CAMTA1: variants seen among roughly 807,000 people sequenced by gnomAD.
CAMTA1 encodes the protein calmodulin binding transcription activator 1.
Under a neutral mutation model 170.9 loss-of-function variants are expected in CAMTA1, and 27 were observed. That is an observed-to-expected ratio of 0.16 (90% confidence interval 0.12 to 0.22). The LOEUF (loss-of-function observed/expected upper bound fraction) is 0.22, where lower values mean the gene tolerates loss of function less well. CAMTA1 is among the 10% of genes least tolerant of loss of function. The pLI is 1.00. For missense variants in CAMTA1, 1,619 were observed against 2,217.2 expected (o/e 0.73, Z 5.42); for synonymous variants, 833 against 891.5 (o/e 0.93, Z 1.17).
At chr1:7,613,096 A>G (rs1188021834) in intron 6 of CAMTA1, among the ~76,000 whole-genome samples, 6 of 152,162 alleles carry the variant, frequency 3.9e-5, no homozygotes, top group Non-Finnish European at 8.8e-5. Flanking sequence ...GCAGGTGCCC[A>G]CCAAACCCAT....
chr1:7,471,815 AGGTTCAG>A (rs1366303830), intron 6 of CAMTA1, among the ~76,000 whole-genome samples: 2 of 152,174 alleles, frequency 1.3e-5, no homozygotes, highest in African/African-American at 4.8e-5. Context: ...TAGGCAGCAG[AGGTTCAG>A]GGCCCCCTGA....
Position 6,830,285 on chromosome 1 carries a change from C to T in CAMTA1, c.234+5075C>T, listed in dbSNP as rs554560431. Among the ~76,000 whole-genome samples, 81 of 151,246 alleles carry T rather than the reference C, an allele frequency of 5.4e-4. 1 individual carries two copies. The highest frequency in any genetic ancestry group is 3.5e-3 in the Middle Eastern group (1 of 286). Reference sequence around the variant, plus strand: ...TCTCCTGATCTCCTGACCTCGTGATCCGCCCGCCTTGGTGTCCCAAGGTGC... The same window carrying T: ...TCTCCTGATCTCCTGACCTCGTGATTCGCCCGCCTTGGTGTCCCAAGGTGC... On this transcript the variant is annotated intron_variant, in intron 3 of 22. Coordinates refer to ENST00000303635, the MANE Select transcript of CAMTA1 (RefSeq NM_015215.4).
chr1:7,430,829 G>A (rs940284369), intron 5 of CAMTA1, among the ~76,000 whole-genome samples: 1 of 152,126 alleles, frequency 6.6e-6, no homozygotes. Context: ...TCCAAGGCTC[G>A]CCATCTGTTT....
At chr1:7,765,917 C>T (rs1208120642) in intron 22 of CAMTA1, among the ~76,000 whole-genome samples, 3 of 151,382 alleles carry the variant, frequency 2.0e-5, no homozygotes, top group African/African-American at 2.4e-5. Context: ...GTCCCAGCTA[C>T]TCGGGAGGCT....
intron 6 of CAMTA1, among the ~76,000 whole-genome samples, chr1:7,529,340 G>A (rs558609536): frequency 2.6e-5 from 4 of 152,074 alleles, no homozygotes; most frequent in African/African-American, 9.7e-5. Flanking sequence ...TCTTGTGTGA[G>A]CTGGGGCTCT....
At chr1:7,108,859 GT>G (rs1643860456) in intron 4 of CAMTA1, among the ~76,000 whole-genome samples, 1 of 152,172 alleles carries the variant, frequency 6.6e-6, no homozygotes, top group Non-Finnish European at 1.5e-5. Flanking sequence ...ACTTAGCCAG[GT>G]CTCAAGGTTT....
At chr1:7,040,434 T>C (rs7535234) in intron 3 of CAMTA1, among the ~76,000 whole-genome samples, 21,464 of 152,120 alleles carry the variant, frequency 0.14, 2,057 homozygotes, top group African/African-American at 0.27. Context: ...ATGTAAATAA[T>C]CCACATTTTA....
chr1:7,336,218 G>A (rs1052602659), intron 5 of CAMTA1, among the ~76,000 whole-genome samples: 6 of 152,236 alleles, frequency 3.9e-5, no homozygotes, highest in Non-Finnish European at 8.8e-5. Context: ...ATGAAGCCCT[G>A]AGATGCCAGG....
chr1:7,029,240 G>T (rs145596160), intron 3 of CAMTA1, among the ~76,000 whole-genome samples: 6,786 of 152,012 alleles, frequency 0.045, 178 homozygotes, highest in Middle Eastern at 0.15. Flanking sequence ...GCTGGCTCAC[G>T]CCTGTAATCC....
intron 11 of CAMTA1, chr1:7,694,572 C>A (rs893730929): frequency 2.6e-5 from 4 of 152,928 alleles, no homozygotes; most frequent in African/African-American, 9.6e-5. Flanking sequence ...CTGTCTCTGT[C>A]CTGCAGACGG....
chr1:7,649,835 C>G lies in CAMTA1; in HGVS notation c.664+9282C>G, dbSNP rs116603206. Among the ~76,000 whole-genome samples, 806 of 152,304 alleles carry G rather than the reference C, an allele frequency of 5.3e-3. 13 individuals carry two copies. The highest frequency in any genetic ancestry group is 0.019 in the African/African-American group (773 of 41,558). ...CAGGACCCCACCGACGTCCTGGGCC[C>G]TGACTGCTATGCAGAGCTGATGCTG... On this transcript the variant is annotated intron_variant, in intron 7 of 22. Coordinates refer to ENST00000303635, the MANE Select transcript of CAMTA1 (RefSeq NM_015215.4).
At chr1:7,051,525 G>T (rs1042489507) in intron 3 of CAMTA1, among the ~76,000 whole-genome samples, 1 of 152,210 alleles carries the variant, frequency 6.6e-6, no homozygotes, top group African/African-American at 2.4e-5. Flanking sequence ...CTGTGAGTGG[G>T]GTCTTCCAGT....
intron 6 of CAMTA1, among the ~76,000 whole-genome samples, chr1:7,639,773 GAA>G (rs34262081): frequency 9.1e-5 from 13 of 142,406 alleles, no homozygotes; most frequent in African/African-American, 2.8e-4. Flanking sequence ...TCTGTCTAAA[GAA>G]AAAAAAAAAA....
intron 3 of CAMTA1, among the ~76,000 whole-genome samples, chr1:6,914,580 C>T (rs193179360): frequency 1.5e-3 from 232 of 152,340 alleles, no homozygotes; most frequent in Non-Finnish European, 2.9e-3. Flanking sequence ...TTTTTGTGGC[C>T]TCCGACTAGT....
At chr1:7,098,100 TGTG>T (rs1037134781) in intron 4 of CAMTA1, among the ~76,000 whole-genome samples, 1 of 13,400 alleles carries the variant, frequency 7.5e-5, no homozygotes, top group Admixed American at 6.4e-4. Flanking sequence ...GTGGACGAAT[TGTG>T]TGTGTGTGTG....
At chr1:7,687,416 G>T (rs2096268377) in intron 11 of CAMTA1, among the ~76,000 whole-genome samples, 1 of 152,106 alleles carries the variant, frequency 6.6e-6, no homozygotes. Flanking sequence ...TGAGGCAAGA[G>T]GGAGCTCCAC....
At chr1:7,594,907 G>C (rs1442570503) in intron 6 of CAMTA1, among the ~76,000 whole-genome samples, 2 of 152,218 alleles carry the variant, frequency 1.3e-5, no homozygotes, top group Non-Finnish European at 2.9e-5. Flanking sequence ...AGATCCAGCA[G>C]GCAGTGAGCA....
In CAMTA1 at chr1:7,609,237, T is replaced by A. The variant is rs946867683; in HGVS notation, c.511-31163T>A. On this transcript the variant is annotated intron_variant, in intron 6 of 22. Coordinates refer to ENST00000303635, the MANE Select transcript of CAMTA1 (RefSeq NM_015215.4). This position sits in a 1 kb window ranked among gnomAD's most constrained non-coding sequence, Gnocchi z 4.4. ...GCTCATCCTTGAGCCTGGGTTGGAT[T>A]TTTTTTTAATGTTTAAAAATTCCCC... 6.6e-6 allele frequency among the ~76,000 whole-genome samples: 1 copy of A among 151,996 alleles called. No homozygotes were observed. The highest frequency in any genetic ancestry group is 6.6e-5 in the Admixed American group (1 of 15,244).
At chr1:7,343,890 G>A (rs761629637) in intron 5 of CAMTA1, among the ~76,000 whole-genome samples, 28 of 152,098 alleles carry the variant, frequency 1.8e-4, no homozygotes, top group Admixed American at 3.9e-4. Flanking sequence ...ATCAATTTTC[G>A]CAGCTGTGTA....
Sources: gnomAD v4.1 joint callset for allele counts (sites outside exome capture counted in the v4.1 genomes callset) on GRCh38, gnomAD v4.1.1 for gene constraint, Gnocchi (gnomAD v3.1) non-coding constraint, MANE v1.5 for transcripts, NCBI Gene and HGNC (gene_info 2026-07-23, HGNC 2026-07-21) for gene names.